Variants in KCNH3 observed in about 807,000 individuals in gnomAD.
KCNH3 encodes the protein voltage-gated inwardly rectifying potassium channel KCNH3.
In KCNH3, 36 loss-of-function variants were observed where a neutral mutation model predicts 95.6. The ratio of observed to expected loss-of-function variants is 0.38; its 90% confidence interval spans 0.29 to 0.50. The LOEUF (loss-of-function observed/expected upper bound fraction) is 0.50. Among genes scored for constraint, KCNH3 ranks in the 20% least tolerant of loss-of-function variants. The pLI is 0.95. For synonymous variants in KCNH3, 620 were observed against 646.3 expected (o/e 0.96, Z 0.62); for missense variants, 1,030 against 1,484.1 (o/e 0.69, Z 5.03).
At chr12:49,547,779 G>A (rs916546847) in intron 7 of KCNH3, among the ~76,000 whole-genome samples, 4 of 152,140 alleles carry the variant, frequency 2.6e-5, no homozygotes, top group Admixed American at 6.5e-5. Flanking sequence ...GAGAGGTGGG[G>A]TCCAACTGCA....
At chr12:49,549,305 G>C in intron 8 of KCNH3, 132 bp downstream of exon 8, 1 of 1,454,898 alleles carries the variant, frequency 6.9e-7, no homozygotes, top group Non-Finnish European at 9.3e-7. Flanking sequence ...CCGAGGCCGG[G>C]GGTGGGGGAG....
chr12:49,556,193 C>T, intron 12 of KCNH3, 177 bp from the exon 13 acceptor site: 1 of 617,056 alleles, frequency 1.6e-6, no homozygotes, highest in Non-Finnish European at 2.9e-6. Flanking sequence ...AAGCTTGGCC[C>T]CCCAGCTAAA....
chr12:49,548,823 C>T, intron 7 of KCNH3, 72 bp from the exon 8 acceptor site: 1 of 1,440,336 alleles, frequency 6.9e-7, no homozygotes, highest in Non-Finnish European at 9.3e-7. Flanking sequence ...GTCTGCGTGT[C>T]CCCACCCCCA....
Position 49,555,921 on chromosome 12 carries a change from C to T in KCNH3, c.2438C>T (p.Pro813Leu). ...ALEGLRLPPMPWNVPPDLSPR... is the reference protein window; with the variant it reads ...ALEGLRLPPMLWNVPPDLSPR... ...GAGGGGCTACGGCTGCCCCCCATGC[C>T]ATGGAATGTGCCCCCAGATCTGAGC... The change falls in exon 12 of 15, where the codon CCA (proline) becomes CTA (leucine). Residue 813 changes from proline to leucine, a missense_variant. Physicochemically the swap from Pro to Leu is moderately conservative, Grantham distance 98. This residue lies in a region of KCNH3 where 464 missense variants were observed against 493.2 expected (regional missense o/e 0.94). Transcript: ENST00000257981. 1 of 1,574,220 alleles carries T rather than the reference C, an allele frequency of 6.4e-7. No individual in the cohort carries two copies. Among genetic ancestry groups the T allele is most frequent in the Non-Finnish European group, 8.7e-7 (1 of 1,153,288 alleles).
rs995516223 is a variant in KCNH3, at chr12:49,539,918, A to T, written c.76+426A>T. The stretch of plus-strand genomic sequence containing the variant: ...CACAGATTTAGAAAAGAGATTTGCA[A>T]ACGGAGATAAGAGTAGGCGGCACTC... On this transcript the variant is annotated intron_variant, in intron 1 of 14. Coordinates refer to ENST00000257981, the MANE Select transcript of KCNH3 (RefSeq NM_012284.3). This position sits in a 1 kb window ranked among gnomAD's most constrained non-coding sequence, Gnocchi z 6.7. Among the ~76,000 whole-genome samples, 1 of 152,106 alleles carries T rather than the reference A, an allele frequency of 6.6e-6. No individual in the cohort carries two copies. Among genetic ancestry groups the T allele is most frequent in the Non-Finnish European group, 1.5e-5 (1 of 68,012 alleles).
Position 49,557,552 on chromosome 12 carries a change from C to A in KCNH3, c.2851C>A (p.Pro951Thr). ...DTGASSYCLQ[P>T]PAGSVLSGTW... The stretch of plus-strand genomic sequence containing the variant: ...TGGGGCATCCTCCTACTGCCTGCAG[C>A]CCCCAGCTGGCTCTGTCTTGAGTGG... The change falls in exon 15 of 15, where the codon CCC becomes ACC. Residue 951 changes from proline (P) to threonine (T), a missense_variant. Physicochemically the swap from Pro to Thr is conservative, Grantham distance 38 (BLOSUM62 -1). This residue lies in a region of KCNH3 where 464 missense variants were observed against 493.2 expected (regional missense o/e 0.94). Transcript: ENST00000257981. 1.2e-6 allele frequency: 2 copies of A among 1,612,080 alleles called. No homozygotes were observed. Among genetic ancestry groups the A allele is most frequent in the Non-Finnish European group, 1.7e-6 (2 of 1,179,964 alleles).
chr12:49,551,871 G>A (rs977465192), intron 10 of KCNH3, among the ~76,000 whole-genome samples: 5 of 152,196 alleles, frequency 3.3e-5, no homozygotes, highest in African/African-American at 1.2e-4. Context: ...AGGAAGGTGG[G>A]GCGGTGTCAC....
At chr12:49,552,096 G>C (rs1478792119) in intron 10 of KCNH3, among the ~76,000 whole-genome samples, 2 of 152,216 alleles carry the variant, frequency 1.3e-5, no homozygotes, top group African/African-American at 4.8e-5. Context: ...GTTAAGTGTA[G>C]CTGGCAATCC....
chr12:49,541,807 A>T (rs773811386), intron 3 of KCNH3, 43 bp downstream of exon 3: 2 of 1,606,968 alleles, frequency 1.2e-6, no homozygotes, highest in Admixed American at 3.4e-5. Context: ...TGGGTGCCGC[A>T]GGCCCGGGCG....
chr12:49,544,226 C>G lies in KCNH3; in HGVS notation c.1033C>G (p.Leu345Val). ...KTVRLLRLLR[L>V]LPRLDRYSQY... ...GGTGCGCCTGCTGCGCCTGCTGCGC[C>G]TGCTTCCGCGGCTGGACCGGTACTC... Residue 345 changes from leucine (L) to valine (V), a missense_variant, in exon 7 of 15, where the codon CTG becomes GTG. Leu to Val is a conservative substitution (Grantham distance 32). Coordinates refer to ENST00000257981, the MANE Select transcript of KCNH3 (RefSeq NM_012284.3). 6.3e-7 allele frequency: 1 copy of G among 1,595,540 alleles called. No homozygotes were observed.
Position 49,555,727 on chromosome 12 carries a change from G to C in KCNH3, c.2244G>C (p.Glu748Asp), listed in dbSNP as rs758080099. 1 of 1,612,830 alleles carries C rather than the reference G, an allele frequency of 6.2e-7. No homozygotes were observed. The highest frequency in any genetic ancestry group is 1.1e-5 in the South Asian group (1 of 90,862). ...CGGTCTCCCCAGCCCCAGCTGATGA[G>C]CCCTCCAGCCCCCTGCTGTCCCCTG... ...GPTVSPAPAD[E>D]PSSPLLSPGC... Residue 748 changes from glutamate (E) to aspartate (D), a missense_variant, in exon 12 of 15, where the codon GAG (glutamate) becomes GAC (aspartate). Glu to Asp is a conservative substitution (Grantham distance 45). Transcript: ENST00000257981.
chr12:49,544,467 TCC>T, intron 7 of KCNH3, 85 bp downstream of exon 7: 1 of 1,344,624 alleles, frequency 7.4e-7, no homozygotes, highest in Middle Eastern at 2.5e-4. Flanking sequence ...ATGTGTGGTG[TCC>T]CTACCTGTGC....
chr12:49,550,043 T>TTGCCCCCCCCCCCCCCCCCCC, intron 9 of KCNH3, 37 bp from the exon 10 acceptor site: 1 of 1,299,540 alleles, frequency 7.7e-7, no homozygotes. Flanking sequence ...CTTCTGCCAC[T>TTGCCCCCCCCCCCCCCCCCCC]CCCAACCCCC....
At position 49,539,304 on chromosome 12, in the gene KCNH3, G is replaced by C. The variant is rs1470380815; in HGVS notation, c.-113G>C. On this transcript the variant is annotated 5_prime_UTR_variant, in exon 1 of 15. Coordinates refer to ENST00000257981, the MANE Select transcript of KCNH3 (RefSeq NM_012284.3). This position sits in a 1 kb window ranked among gnomAD's most constrained non-coding sequence, Gnocchi z 6.7. ...CCCGGTCTGCGCATTGCCCCCCGAC[G>C]GCTGCGCTAGGGAGCGCGGGGCCCG... is the stretch of plus-strand genomic sequence containing the variant. The C allele has an allele frequency of 2.0e-6, 1 of 512,538 alleles. No homozygotes were observed. The highest frequency in any genetic ancestry group is 2.9e-6 in the Non-Finnish European group (1 of 343,210). 31.7% of individuals were successfully genotyped at this position (512,538 alleles called of 1,614,324 possible). A position where few individuals can be genotyped will look rare whatever the true frequency, so the allele number is the denominator to read the frequency against.
chr12:49,557,806 G>C lies in KCNH3; in HGVS notation c.3105G>C (p.Gln1035His), dbSNP rs375745147. The C allele has an allele frequency of 2.5e-6, 4 of 1,605,416 alleles. No individual in the cohort carries two copies. The highest frequency in any genetic ancestry group is 3.4e-6 in the Non-Finnish European group (4 of 1,174,286). ...ARTGPAEPVS[Q>H]AEATSTGEPP... The stretch of plus-strand genomic sequence containing the variant: ...CTGGGCCCGCAGAGCCTGTGAGCCA[G>C]GCTGAGGCTACCAGCACTGGAGAGC... Residue 1035 changes from glutamine (Q) to histidine (H), a missense_variant, in exon 15 of 15, where the codon CAG (glutamine) becomes CAC (histidine). Physicochemically the swap from Gln to His is conservative, Grantham distance 24. Transcript: ENST00000257981.
chr12:49,555,843 G>A lies in KCNH3; in HGVS notation c.2360G>A (p.Arg787Lys). ...PRLGGRGRPG[R>K]AGALKAEAGP... ...CTAGGTGGCAGAGGGAGGCCAGGCA[G>A]GGCAGGGGCTTTGAAGGCTGAGGCT... Residue 787 changes from arginine to lysine, a missense_variant, in exon 12 of 15, where the codon AGG (arginine) becomes AAG (lysine). Arg to Lys is a conservative substitution (Grantham distance 26, BLOSUM62 2). This residue lies in a region of KCNH3 where 464 missense variants were observed against 493.2 expected (regional missense o/e 0.94). Coordinates refer to ENST00000257981, the MANE Select transcript of KCNH3 (RefSeq NM_012284.3). 1 of 1,612,976 alleles carries A rather than the reference G, an allele frequency of 6.2e-7. No individual in the cohort carries two copies. Among genetic ancestry groups the A allele is most frequent in the Non-Finnish European group, 8.5e-7 (1 of 1,179,708 alleles).
intron 10 of KCNH3, among the ~76,000 whole-genome samples, chr12:49,550,537 C>T (rs1423828131): frequency 5.3e-5 from 8 of 152,164 alleles, no homozygotes; most frequent in South Asian, 2.1e-4. Flanking sequence ...GACACGATCT[C>T]GCAGGTGTCC....
chr12:49,557,533 A>G lies in KCNH3; in HGVS notation c.2832A>G (p.Ala944=). Residue 944 remains alanine (A), a synonymous_variant, in exon 15 of 15, where the codon GCA becomes GCG. Coordinates refer to ENST00000257981, the MANE Select transcript of KCNH3 (RefSeq NM_012284.3). ...LLQPLCVDTG[A]SSYCLQPPAG... ...AGCCTCTGTGTGTGGACACTGGGGC[A>G]TCCTCCTACTGCCTGCAGCCCCCAG... The G allele has an allele frequency of 6.2e-7, 1 of 1,611,650 alleles. No homozygotes were observed. Among genetic ancestry groups the G allele is most frequent in the East Asian group, 2.2e-5 (1 of 44,868 alleles).
At chr12:49,555,500 G>C (rs555263030) in intron 11 of KCNH3, 120 bp from the exon 12 acceptor site, 4 of 534,606 alleles carry the variant, frequency 7.5e-6, no homozygotes, top group Non-Finnish European at 1.3e-5. Flanking sequence ...TAGAATAGAT[G>C]TTGGCTATTC....
Sources: gnomAD v4.1 joint callset for allele counts (sites outside exome capture counted in the v4.1 genomes callset) on GRCh38, gnomAD v4.1.1 for gene constraint, gnomAD v4.1.1 regional missense constraint, Gnocchi (gnomAD v3.1) non-coding constraint, MANE v1.5 for transcripts, NCBI Gene and HGNC (gene_info 2026-07-23, HGNC 2026-07-21) for gene names.